NELL1: variants seen among roughly 807,000 people sequenced by gnomAD.
NELL1 encodes the protein protein kinase C-binding protein NELL1.
NELL1 carries 76 observed loss-of-function variants against 107.4 expected under a neutral mutation model. The ratio of observed to expected loss-of-function variants is 0.71; its 90% CI spans 0.59 to 0.86. NELL1 has a LOEUF of 0.86. Ranked by LOEUF, NELL1 falls within the 40% of genes least tolerant of loss-of-function variation. The pLI is 0.00. For synonymous variants in NELL1, 353 were observed against 341.2 expected, an observed-to-expected ratio of 1.03 and a Z score of -0.38; for missense variants, 1,024 against 1,005.5, an observed-to-expected ratio of 1.02 and a Z score of -0.25.
intron 14 of NELL1, among the ~76,000 whole-genome samples, chr11:21,356,477 C>T (rs1383229622): frequency 6.6e-6 from 1 of 152,132 alleles, no homozygotes; most frequent in East Asian, 1.9e-4. Context: ...GCAGTTGTGA[C>T]ATCCAACTGG....
At chr11:21,199,485 T>C (rs1279821790) in intron 13 of NELL1, among the ~76,000 whole-genome samples, 1 of 152,154 alleles carries the variant, frequency 6.6e-6, no homozygotes, top group Non-Finnish European at 1.5e-5. Context: ...AGTAAGTACA[T>C]AGTTTTATAT....
chr11:21,272,854 A>G (rs557699722), intron 14 of NELL1, among the ~76,000 whole-genome samples: 4 of 152,314 alleles, frequency 2.6e-5, no homozygotes, highest in African/African-American at 9.6e-5. Context: ...TGACTGTTAG[A>G]AGGAAAACTA....
At chr11:21,445,851 T>C (rs1271557920) in intron 15 of NELL1, among the ~76,000 whole-genome samples, 1 of 152,210 alleles carries the variant, frequency 6.6e-6, no homozygotes, top group Admixed American at 6.5e-5. Flanking sequence ...TGTTGTTTTC[T>C]TCAGCACTTT....
At chr11:20,748,034 A>G (rs1856042381) in intron 2 of NELL1, among the ~76,000 whole-genome samples, 1 of 152,188 alleles carries the variant, frequency 6.6e-6, no homozygotes, top group South Asian at 2.1e-4. Context: ...ATAGCTAAAG[A>G]GGGGTGAGCT....
At chr11:20,830,797 G>A (rs568620961) in intron 3 of NELL1, among the ~76,000 whole-genome samples, 1 of 152,282 alleles carries the variant, frequency 6.6e-6, no homozygotes, top group African/African-American at 2.4e-5. Flanking sequence ...ATCTGTTCCT[G>A]TGAGAACTTT....
chr11:21,213,755 C>T (rs1031564839), intron 13 of NELL1, among the ~76,000 whole-genome samples: 4 of 152,096 alleles, frequency 2.6e-5, no homozygotes, highest in Non-Finnish European at 5.9e-5. Flanking sequence ...GCCTTTTGAA[C>T]ACATGGCACT....
chr11:20,737,976 G>T (rs1300760519), intron 2 of NELL1, among the ~76,000 whole-genome samples: 1 of 150,226 alleles, frequency 6.7e-6, no homozygotes, highest in Non-Finnish European at 1.5e-5. Context: ...CCTGAGTTTA[G>T]CTTCCTTTAA....
intron 14 of NELL1, among the ~76,000 whole-genome samples, chr11:21,292,653 G>A (rs1310417267): frequency 2.0e-5 from 3 of 152,138 alleles, no homozygotes; most frequent in Admixed American, 6.5e-5. Context: ...CAAAGCTGGA[G>A]GCATCATGGT....
At chr11:20,707,341 C>T (rs938515786) in intron 2 of NELL1, among the ~76,000 whole-genome samples, 1 of 146,976 alleles carries the variant, frequency 6.8e-6, no homozygotes, top group Non-Finnish European at 1.5e-5. Flanking sequence ...TTGTTATTAC[C>T]AATCGTCTGA....
At chr11:21,052,461 A>G (rs561257638) in intron 12 of NELL1, among the ~76,000 whole-genome samples, 2 of 152,250 alleles carry the variant, frequency 1.3e-5, no homozygotes, top group Admixed American at 1.3e-4. Context: ...AGAGGTGGTA[A>G]GAATGGTAAC....
chr11:21,309,807 T>C (rs938939050), intron 14 of NELL1, among the ~76,000 whole-genome samples: 3 of 152,024 alleles, frequency 2.0e-5, no homozygotes, highest in Non-Finnish European at 4.4e-5. Flanking sequence ...TGAGACTCAT[T>C]CACTATCATG....
intron 15 of NELL1, among the ~76,000 whole-genome samples, chr11:21,420,521 A>C (rs1852638750): frequency 1.3e-5 from 2 of 152,160 alleles, no homozygotes; most frequent in Admixed American, 1.3e-4. Flanking sequence ...CTGCAGAGTT[A>C]CTGAGAAAGA....
In NELL1 at chr11:21,264,367, C is replaced by T. The variant is rs114687495; in HGVS notation, c.1549+34913C>T. ...TTGCAGATGGAGATAAAGTGTCATC[C>T]TGCACAAGCCTTGAATATGGTGCCC... On this transcript the variant is annotated intron_variant, in intron 14 of 19. Transcript: ENST00000357134. 2.1e-3 allele frequency among the ~76,000 whole-genome samples: 320 copies of T among 151,926 alleles called. 1 individual carries two copies. The highest frequency in any genetic ancestry group is 7.3e-3 in the African/African-American group (304 of 41,480).
chr11:21,349,843 T>C (rs990226445), intron 14 of NELL1, among the ~76,000 whole-genome samples: 3 of 152,302 alleles, frequency 2.0e-5, no homozygotes, highest in Admixed American at 2.0e-4. Context: ...TGGCTGTATC[T>C]TATTACAATA....
At chr11:20,993,010 G>A (rs1401848180) in intron 12 of NELL1, among the ~76,000 whole-genome samples, 1 of 152,116 alleles carries the variant, frequency 6.6e-6, no homozygotes, top group African/African-American at 2.4e-5. Context: ...CCTTCTAGAA[G>A]CTTTGTGTTA....
chr11:21,392,796 C>A (rs114383177), intron 15 of NELL1, among the ~76,000 whole-genome samples: 32 of 151,816 alleles, frequency 2.1e-4, no homozygotes, highest in African/African-American at 7.7e-4. Context: ...GACATTTACT[C>A]TTTACAAAAA....
intron 12 of NELL1, among the ~76,000 whole-genome samples, chr11:21,011,536 T>G (rs148100585): frequency 6.6e-6 from 1 of 152,130 alleles, no homozygotes; most frequent in African/African-American, 2.4e-5. Context: ...CCTTGCCAGA[T>G]GCAGACTGCC....
At chr11:21,236,173 C>G (rs115781987) in intron 14 of NELL1, among the ~76,000 whole-genome samples, 167 of 152,248 alleles carry the variant, frequency 1.1e-3, no homozygotes, top group African/African-American at 3.8e-3. Flanking sequence ...CAGTCCAGCT[C>G]AAATCCCATT....
At chr11:21,557,244 C>G (rs1856737811) in intron 16 of NELL1, among the ~76,000 whole-genome samples, 1 of 151,960 alleles carries the variant, frequency 6.6e-6, no homozygotes, top group Non-Finnish European at 1.5e-5. Context: ...GCAATATGGT[C>G]CTATATTCAA....
Sources: gnomAD v4.1 joint callset for allele counts (sites outside exome capture counted in the v4.1 genomes callset) on GRCh38, gnomAD v4.1.1 for gene constraint, MANE v1.5 for transcripts, NCBI Gene and HGNC (gene_info 2026-07-23, HGNC 2026-07-21) for gene names.